The following RAB11FIP4 variants were observed in gnomAD, a reference collection of about 807,000 sequenced individuals.
RAB11FIP4 encodes the protein RAB11 family interacting protein 4.
Under a neutral mutation model 74.3 loss-of-function variants are expected in RAB11FIP4, and 23 were observed. The observed-to-expected ratio is 0.31, with a 90% CI of 0.22 to 0.44. The LOEUF (loss-of-function observed/expected upper bound fraction) is 0.44, where lower values mean the gene tolerates loss of function less well. Among genes scored for constraint, RAB11FIP4 ranks in the 20% least tolerant of loss-of-function variants. The pLI is 1.00. For synonymous variants in RAB11FIP4, 360 were observed against 359.9 expected, an observed-to-expected ratio of 1.00 and a Z score of 0.00; for missense variants, 630 against 863.9, an observed-to-expected ratio of 0.73 and a Z score of 3.39.
intron 1 of RAB11FIP4, among the ~76,000 whole-genome samples, chr17:31,418,444 T>C (rs1234364685): frequency 2.0e-5 from 3 of 150,622 alleles, no homozygotes. Context: ...TATCCAACTT[T>C]GTATGTGCAG....
intron 3 of RAB11FIP4, chr17:31,488,197 C>G (rs2071935670): frequency 1.0e-5 from 11 of 1,102,248 alleles, no homozygotes; most frequent in Non-Finnish European, 1.2e-5. Flanking sequence ...GCGCCGCCGA[C>G]CCGCGCCCGC....
At chr17:31,407,525 A>C (rs1460211601) in intron 1 of RAB11FIP4, among the ~76,000 whole-genome samples, 1 of 152,218 alleles carries the variant, frequency 6.6e-6, no homozygotes, top group African/African-American at 2.4e-5. Flanking sequence ...GGGATTTCAC[A>C]TTAATTCAGC....
chr17:31,429,342 TAAAGTTC>T (rs2071284037), intron 1 of RAB11FIP4, among the ~76,000 whole-genome samples: 1 of 152,226 alleles, frequency 6.6e-6, no homozygotes. Flanking sequence ...TCACACCTGC[TAAAGTTC>T]AAACCACACA....
chr17:31,400,254 T>C (rs964913104), intron 1 of RAB11FIP4, among the ~76,000 whole-genome samples: 1 of 152,210 alleles, frequency 6.6e-6, no homozygotes, highest in Non-Finnish European at 1.5e-5. Flanking sequence ...GCCAGTGTAC[T>C]TAGAACAATG....
At chr17:31,454,284 T>C (rs1244006317) in intron 3 of RAB11FIP4, among the ~76,000 whole-genome samples, 1 of 150,360 alleles carries the variant, frequency 6.7e-6, no homozygotes. Context: ...TCTGATTCTT[T>C]TCTTTTTGAG....
rs1373818729 is a variant in RAB11FIP4 at position 31,532,792 on chromosome 17, A to T, written c.*1060A>T. 2.6e-5 allele frequency: 4 copies of T among 152,172 alleles called. No homozygotes were observed. Among genetic ancestry groups the T allele is most frequent in the Non-Finnish European group, 5.9e-5 (4 of 68,030 alleles). The allele number at this position is 152,172 out of a possible 1,614,324, so 9.4% of individuals were successfully genotyped here. The stretch of plus-strand genomic sequence containing the variant: ...CTGCTTCGTTCCAGCGTTTAGAAAC[A>T]CACCTGTATTTGATTCTCAGCCAGG... On this transcript the variant is annotated 3_prime_UTR_variant, in exon 15 of 15. Transcript: ENST00000621161.
At chr17:31,451,391 G>C (rs1475340051) in intron 3 of RAB11FIP4, among the ~76,000 whole-genome samples, 1 of 150,938 alleles carries the variant, frequency 6.6e-6, no homozygotes, top group East Asian at 1.9e-4. Flanking sequence ...CCCGGGAGGC[G>C]GAGGTTGCAG....
chr17:31,453,890 T>C (rs1275820005), intron 3 of RAB11FIP4, among the ~76,000 whole-genome samples: 2 of 151,624 alleles, frequency 1.3e-5, no homozygotes, highest in African/African-American at 4.8e-5. Flanking sequence ...TCACAATGCA[T>C]AGATTGTGAG....
intron 3 of RAB11FIP4, among the ~76,000 whole-genome samples, chr17:31,457,671 G>T (rs1478692022): frequency 2.0e-5 from 3 of 151,994 alleles, no homozygotes; most frequent in Non-Finnish European, 4.4e-5. Flanking sequence ...GGGGGTGGGA[G>T]CAGGCCTGAC....
chr17:31,450,537 GT>G (rs2071516632), intron 3 of RAB11FIP4, among the ~76,000 whole-genome samples: 1 of 151,942 alleles, frequency 6.6e-6, no homozygotes, highest in African/African-American at 2.4e-5. Flanking sequence ...TAGAGATGGG[GT>G]TTCACCATGT....
intron 3 of RAB11FIP4, among the ~76,000 whole-genome samples, chr17:31,501,929 A>G (rs1341401081): frequency 6.6e-6 from 1 of 152,178 alleles, no homozygotes; most frequent in African/African-American, 2.4e-5. Flanking sequence ...GAAAAATCAA[A>G]GTGAGCCCGG....
intron 14 of RAB11FIP4, chr17:31,531,167 GCAGCA>G: frequency 6.1e-6 from 1 of 164,396 alleles, no homozygotes; most frequent in Non-Finnish European, 1.3e-5. Context: ...CTGGGCAGAG[GCAGCA>G]TGTCAGCAAT....
At chr17:31,418,509 G>A (rs1306309420) in intron 1 of RAB11FIP4, among the ~76,000 whole-genome samples, 3 of 130,650 alleles carry the variant, frequency 2.3e-5, no homozygotes, top group Non-Finnish European at 4.6e-5. Flanking sequence ...TGTCACTCAG[G>A]CTGGAGTGCA....
chr17:31,400,853 A>G (rs2070978399), intron 1 of RAB11FIP4, among the ~76,000 whole-genome samples: 1 of 152,134 alleles, frequency 6.6e-6, no homozygotes, highest in African/African-American at 2.4e-5. Context: ...TTCAGCCCCC[A>G]CCGCCTGGCA....
intron 3 of RAB11FIP4, among the ~76,000 whole-genome samples, chr17:31,474,566 G>C (rs903520937): frequency 6.6e-6 from 1 of 151,924 alleles, no homozygotes; most frequent in African/African-American, 2.4e-5. Flanking sequence ...AGCTACTCGG[G>C]GCTGAGGCAG....
chr17:31,463,378 C>T (rs2071650978), intron 3 of RAB11FIP4, among the ~76,000 whole-genome samples: 2 of 152,136 alleles, frequency 1.3e-5, no homozygotes, highest in African/African-American at 2.4e-5. Context: ...CGATGAGTCC[C>T]GCAGTGCCCT....
chr17:31,447,724 T>C (rs528117613), intron 3 of RAB11FIP4, among the ~76,000 whole-genome samples: 9 of 152,258 alleles, frequency 5.9e-5, no homozygotes, highest in South Asian at 2.1e-4. Flanking sequence ...GGTTTCACCA[T>C]GTTGGCCAGG....
chr17:31,466,196 T>C (rs541159581), intron 3 of RAB11FIP4, among the ~76,000 whole-genome samples: 4 of 152,046 alleles, frequency 2.6e-5, no homozygotes, highest in African/African-American at 9.6e-5. Flanking sequence ...ATTTACAGCA[T>C]TGCTTATCTG....
At chr17:31,430,225 G>A (rs546843813) in intron 1 of RAB11FIP4, among the ~76,000 whole-genome samples, 128 of 152,284 alleles carry the variant, frequency 8.4e-4, no homozygotes, top group African/African-American at 3.1e-3. Context: ...GAGTGTGGTG[G>A]TTTCCGTGAG....
Sources: gnomAD v4.1 joint callset for allele counts (sites outside exome capture counted in the v4.1 genomes callset) on GRCh38, gnomAD v4.1.1 for gene constraint, MANE v1.5 for transcripts, NCBI Gene and HGNC (gene_info 2026-07-23, HGNC 2026-07-21) for gene names.